The following ERO1B variants were observed in gnomAD, a reference collection of about 807,000 sequenced individuals.
The protein encoded by ERO1B is endoplasmic reticulum oxidoreductase 1 beta.
Under a neutral mutation model 75.3 loss-of-function variants are expected in ERO1B, and 49 were observed. The ratio of observed to expected loss-of-function variants is 0.65; its 90% CI spans 0.52 to 0.83. The LOEUF (loss-of-function observed/expected upper bound fraction) is 0.83, where lower values mean the gene tolerates loss of function less well. Ranked by LOEUF, ERO1B falls within the 40% of genes least tolerant of loss-of-function variation. ERO1B has a pLI of 0.00. For missense variants in ERO1B, 512 were observed against 560.1 expected, an observed-to-expected ratio of 0.91 and a Z score of 0.87; for synonymous variants, 191 against 192.9, an observed-to-expected ratio of 0.99 and a Z score of 0.08.
intron 2 of ERO1B, among the ~76,000 whole-genome samples, chr1:236,262,945 C>T (rs903925880): frequency 2.0e-5 from 3 of 152,116 alleles, no homozygotes; most frequent in Non-Finnish European, 4.4e-5. Flanking sequence ...CAATGACCAA[C>T]TGATGGAGAG....
At chr1:236,272,201 C>T (rs932647170) in intron 1 of ERO1B, among the ~76,000 whole-genome samples, 2 of 152,108 alleles carry the variant, frequency 1.3e-5, no homozygotes, top group Non-Finnish European at 2.9e-5. Flanking sequence ...ATCCCACTAC[C>T]GGGCATCTAT....
chr1:236,234,808 A>T (rs1447079897), intron 8 of ERO1B, among the ~76,000 whole-genome samples: 1 of 152,238 alleles, frequency 6.6e-6, no homozygotes, highest in Admixed American at 6.5e-5. Context: ...TGGCAGGTCA[A>T]TGACAGAGTT....
intron 15 of ERO1B, among the ~76,000 whole-genome samples, chr1:236,219,442 G>A (rs1034290502): frequency 3.3e-5 from 5 of 152,252 alleles, no homozygotes; most frequent in Middle Eastern, 3.4e-3. Flanking sequence ...TTATGAGATC[G>A]AAGGAAATTT....
intron 1 of ERO1B, among the ~76,000 whole-genome samples, chr1:236,270,768 T>C (rs545883224): frequency 6.6e-6 from 1 of 152,316 alleles, no homozygotes; most frequent in South Asian, 2.1e-4. Flanking sequence ...TTACACACTA[T>C]ATGATTCCAT....
intron 5 of ERO1B, among the ~76,000 whole-genome samples, chr1:236,248,156 T>C (rs1245000157): frequency 6.6e-6 from 1 of 152,226 alleles, no homozygotes; most frequent in African/African-American, 2.4e-5. Flanking sequence ...GCTTGGCACA[T>C]TGTAGACATT....
rs1663976360 is a variant in ERO1B, at chr1:236,216,377, A to G, written c.*2139T>C. 6.6e-6 allele frequency: 1 copy of G among 152,158 alleles called. No homozygotes were observed. The highest frequency in any genetic ancestry group is 1.5e-5 in the Non-Finnish European group (1 of 68,002). The allele number at this position is 152,158 out of a possible 1,614,324, so 9.4% of individuals were successfully genotyped here. On this transcript the variant is annotated 3_prime_UTR_variant, in exon 16 of 16. Coordinates refer to ENST00000354619, the MANE Select transcript of ERO1B (RefSeq NM_019891.4). Reference sequence around the variant, plus strand: ...TAGATCACAAGAACCATAAAATGTCACCAGGCTCACACAATCATTTAAGAA... The same window carrying G: ...TAGATCACAAGAACCATAAAATGTCGCCAGGCTCACACAATCATTTAAGAA...
At chr1:236,272,901 G>C (rs889611981) in intron 1 of ERO1B, among the ~76,000 whole-genome samples, 1 of 152,000 alleles carries the variant, frequency 6.6e-6, no homozygotes, top group African/African-American at 2.4e-5. Flanking sequence ...TGATGATGAG[G>C]TTTGTAGCAC....
chr1:236,269,484 C>A (rs1665540894), intron 2 of ERO1B, among the ~76,000 whole-genome samples: 1 of 152,112 alleles, frequency 6.6e-6, no homozygotes, highest in South Asian at 2.1e-4. Context: ...GAAAGAGGTC[C>A]AACAAAGATG....
At chr1:236,271,205 T>C (rs1379619827) in intron 1 of ERO1B, among the ~76,000 whole-genome samples, 1 of 152,040 alleles carries the variant, frequency 6.6e-6, no homozygotes, top group Non-Finnish European at 1.5e-5. Context: ...ACAACCAAAA[T>C]TTTCAAAAAA....
chr1:236,250,505 AAC>A (rs1034649346), intron 4 of ERO1B, among the ~76,000 whole-genome samples: 6 of 146,874 alleles, frequency 4.1e-5, no homozygotes, highest in Non-Finnish European at 9.0e-5. Context: ...AGTAAAAGTT[AAC>A]AATTAGCACT....
At chr1:236,264,571 T>C (rs1360340864) in intron 2 of ERO1B, among the ~76,000 whole-genome samples, 4 of 152,042 alleles carry the variant, frequency 2.6e-5, no homozygotes, top group Non-Finnish European at 4.4e-5. Flanking sequence ...GGGCCAGGCA[T>C]GGTGGCTCAT....
At chr1:236,271,742 C>T (rs1248748369) in intron 1 of ERO1B, among the ~76,000 whole-genome samples, 5 of 151,932 alleles carry the variant, frequency 3.3e-5, no homozygotes, top group Non-Finnish European at 5.9e-5. Flanking sequence ...ATCTACCTCC[C>T]TCTCCCTAAA....
intron 6 of ERO1B, among the ~76,000 whole-genome samples, chr1:236,240,170 G>T (rs1664664349): frequency 6.6e-6 from 1 of 152,016 alleles, no homozygotes; most frequent in Non-Finnish European, 1.5e-5. Context: ...CTCCCAAAGT[G>T]CTGGGATTAC....
chr1:236,235,402 GGA>G (rs1664515493), intron 8 of ERO1B, among the ~76,000 whole-genome samples: 1 of 152,168 alleles, frequency 6.6e-6, no homozygotes, highest in South Asian at 2.1e-4. Flanking sequence ...GGAATCATGT[GGA>G]GAGTTTAAAA....
rs913445173 is a variant in ERO1B at position 236,216,374 on chromosome 1, G to A, written c.*2142C>T. 3 of 152,066 alleles carry A rather than the reference G, an allele frequency of 2.0e-5. No individual in the cohort carries two copies. Among genetic ancestry groups the A allele is most frequent in the African/African-American group, 7.2e-5 (3 of 41,424 alleles). 9.4% of individuals were successfully genotyped at this position (152,066 alleles called of 1,614,324 possible). A position where few individuals can be genotyped will look rare whatever the true frequency, so the allele number is the denominator to read the frequency against. On this transcript the variant is annotated 3_prime_UTR_variant, in exon 16 of 16. Transcript: ENST00000354619. Reference sequence around the variant, plus strand: ...GTTTAGATCACAAGAACCATAAAATGTCACCAGGCTCACACAATCATTTAA... The same window carrying A: ...GTTTAGATCACAAGAACCATAAAATATCACCAGGCTCACACAATCATTTAA...
chr1:236,268,647 G>C (rs1363157608), intron 2 of ERO1B, among the ~76,000 whole-genome samples: 1 of 152,004 alleles, frequency 6.6e-6, no homozygotes, highest in Non-Finnish European at 1.5e-5. Flanking sequence ...AGCACTTTGG[G>C]AGGCCAAGGC....
At chr1:236,225,755 T>C (rs994269859) in intron 12 of ERO1B, among the ~76,000 whole-genome samples, 1 of 152,154 alleles carries the variant, frequency 6.6e-6, no homozygotes, top group African/African-American at 2.4e-5. Context: ...TCCAACATGG[T>C]GAAACCCTAT....
chr1:236,251,690 T>C (rs75971126), intron 4 of ERO1B, among the ~76,000 whole-genome samples: 3 of 152,322 alleles, frequency 2.0e-5, no homozygotes, highest in Admixed American at 6.5e-5. Flanking sequence ...CTGCTCAAAA[T>C]ATCTTGATAA....
At chr1:236,269,471 TCAGA>T (rs1291790934) in intron 2 of ERO1B, among the ~76,000 whole-genome samples, 1 of 152,096 alleles carries the variant, frequency 6.6e-6, no homozygotes, top group African/African-American at 2.4e-5. Flanking sequence ...GCCAGCCCTC[TCAGA>T]AAGAGGTCCA....
Sources: allele counts gnomAD v4.1 joint callset (sites outside exome capture counted in the v4.1 genomes callset), GRCh38; gene constraint gnomAD v4.1.1; transcripts MANE v1.5; gene names NCBI Gene and HGNC (gene_info 2026-07-23, HGNC 2026-07-21).